Variants in PEAK1 observed in about 807,000 individuals in gnomAD.
PEAK1 encodes inactive tyrosine-protein kinase PEAK1.
A neutral mutation model predicts 124.7 loss-of-function variants in PEAK1; 54 were observed. The ratio of observed to expected loss-of-function variants is 0.43; its 90% confidence interval spans 0.35 to 0.54. The LOEUF (loss-of-function observed/expected upper bound fraction) is 0.54, where lower values mean the gene tolerates loss of function less well. Among genes scored for constraint, PEAK1 ranks in the 20% least tolerant of loss-of-function variants. The pLI is 0.01. For synonymous variants in PEAK1, 719 were observed against 760.0 expected (o/e 0.95, Z 0.89); for missense variants, 2,046 against 2,134.5 (o/e 0.96, Z 0.82).
intron 9 of PEAK1, among the ~76,000 whole-genome samples, chr15:77,120,366 ATTAC>A (rs1385306989): frequency 6.6e-6 from 1 of 152,142 alleles, no homozygotes; most frequent in Non-Finnish European, 1.5e-5. Flanking sequence ...TAACCCATAG[ATTAC>A]TTAAACTCAA....
At chr15:77,127,156 T>C (rs2052446813) in intron 9 of PEAK1, among the ~76,000 whole-genome samples, 1 of 152,192 alleles carries the variant, frequency 6.6e-6, no homozygotes, top group Non-Finnish European at 1.5e-5. Flanking sequence ...TCACGCTCTC[T>C]CTCTCTCCCT....
At chr15:77,103,896 G>T (rs2050720614), downstream of PEAK1, 1 of 152,330 alleles carries the variant, frequency 6.6e-6, no homozygotes, top group African/African-American at 2.4e-5. Flanking sequence ...GACAGGGAAA[G>T]GTGCTGGCCC....
intron 9 of PEAK1, among the ~76,000 whole-genome samples, chr15:77,126,351 C>T (rs534187691): frequency 1.3e-5 from 2 of 151,994 alleles, no homozygotes; most frequent in Admixed American, 6.5e-5. Flanking sequence ...ATATAAGGTA[C>T]CTAGTTTGTT....
intron 9 of PEAK1, among the ~76,000 whole-genome samples, chr15:77,132,285 A>G (rs1256201090): frequency 1.3e-5 from 2 of 151,060 alleles, no homozygotes; most frequent in Non-Finnish European, 3.0e-5. Context: ...GGGTTTCACC[A>G]CGTTGCCTAG....
intron 2 of PEAK1, among the ~76,000 whole-genome samples, chr15:77,343,330 T>A (rs983470125): frequency 6.6e-6 from 1 of 152,144 alleles, no homozygotes; most frequent in African/African-American, 2.4e-5. Context: ...TAGTTGTGAG[T>A]TATAGGAATT....
intron 6 of PEAK1, among the ~76,000 whole-genome samples, chr15:77,231,548 T>A (rs1187377895): frequency 6.6e-6 from 1 of 152,180 alleles, no homozygotes; most frequent in Non-Finnish European, 1.5e-5. Context: ...CATCTTCCCT[T>A]TGGTTAACTG....
At chr15:77,148,452 C>T (rs1431710862) in intron 8 of PEAK1, among the ~76,000 whole-genome samples, 1 of 152,182 alleles carries the variant, frequency 6.6e-6, no homozygotes, top group Admixed American at 6.5e-5. Flanking sequence ...CTGTTAGCTA[C>T]CTTGGGGATC....
intron 5 of PEAK1, among the ~76,000 whole-genome samples, chr15:77,271,927 T>C (rs2062057653): frequency 6.6e-6 from 1 of 151,532 alleles, no homozygotes; most frequent in African/African-American, 2.4e-5. Context: ...ACTTAAAGTA[T>C]AATAATAAAA....
At chr15:77,296,903 C>G (rs1354083694) in intron 2 of PEAK1, among the ~76,000 whole-genome samples, 1 of 151,580 alleles carries the variant, frequency 6.6e-6, no homozygotes, top group Non-Finnish European at 1.5e-5. Flanking sequence ...AACTTTGGCC[C>G]AAAGTACCAA....
At position 77,336,081 on chromosome 15, in the gene PEAK1, T is replaced by C. The variant is rs78815169; in HGVS notation, c.-603+29082A>G. 1,159 of 985,400 alleles carry C rather than the reference T, an allele frequency of 1.2e-3. 3 individuals are homozygous for C. The African/African-American group carries it at 0.015, about 12-fold the overall frequency. The allele number at this position is 985,400 out of a possible 1,614,324, so 61.0% of individuals were successfully genotyped here. On this transcript the variant is annotated intron_variant, in intron 2 of 9. Transcript: ENST00000682557. ...AATAACAGTGCCATTAAAAGACTGCTATGAAAGACTAAACAGTGAGTGCCA... is the reference window on the plus strand; with the variant it reads ...AATAACAGTGCCATTAAAAGACTGCCATGAAAGACTAAACAGTGAGTGCCA...
intron 2 of PEAK1, chr15:77,332,248 T>C (rs571426680): frequency 3.1e-6 from 3 of 981,618 alleles, no homozygotes; most frequent in African/African-American, 3.7e-5. Context: ...AAAAAGTTGA[T>C]TTTTTTCCCC....
intron 5 of PEAK1, among the ~76,000 whole-genome samples, chr15:77,282,904 A>G (rs1325646220): frequency 6.6e-6 from 1 of 152,198 alleles, no homozygotes; most frequent in Non-Finnish European, 1.5e-5. Flanking sequence ...CTTTTCCTTT[A>G]AGGCACCATT....
At chr15:77,215,475 C>T (rs769102578) in intron 6 of PEAK1, among the ~76,000 whole-genome samples, 29 of 152,130 alleles carry the variant, frequency 1.9e-4, no homozygotes, top group Non-Finnish European at 4.0e-4. Flanking sequence ...TTGCATATAA[C>T]CTATGCACAC....
At chr15:77,278,831 G>GTTTTT in intron 5 of PEAK1, 2 of 200,736 alleles carry the variant, frequency 1.0e-5, no homozygotes, top group African/African-American at 4.9e-5. Context: ...AAATTTTGTG[G>GTTTTT]GTTTTTTTTT....
chr15:77,371,680 G>C (rs1471979664), intron 1 of PEAK1, among the ~76,000 whole-genome samples: 1 of 152,202 alleles, frequency 6.6e-6, no homozygotes, highest in Non-Finnish European at 1.5e-5. Context: ...TCGAGGTCCA[G>C]AGTTCAAGAC....
At chr15:77,346,483 C>G (rs2066882250) in intron 2 of PEAK1, 1 of 985,216 alleles carries the variant, frequency 1.0e-6, no homozygotes, top group Admixed American at 6.2e-5. Flanking sequence ...CTGTTAGAAG[C>G]CAATTTTCCT....
At chr15:77,339,989 C>T (rs906901781) in intron 2 of PEAK1, among the ~76,000 whole-genome samples, 1 of 152,092 alleles carries the variant, frequency 6.6e-6, no homozygotes, top group Non-Finnish European at 1.5e-5. Context: ...AACACAACAC[C>T]AAATGCTGGC....
chr15:77,120,195 C>G (rs1423931870), intron 9 of PEAK1, among the ~76,000 whole-genome samples: 1 of 152,178 alleles, frequency 6.6e-6, no homozygotes, highest in East Asian at 1.9e-4. Context: ...GCTCTCCATC[C>G]TAGTTTTTCA....
At chr15:77,352,545 T>C (rs1300665831) in intron 2 of PEAK1, 45 of 963,730 alleles carry the variant, frequency 4.7e-5, no homozygotes, top group Non-Finnish European at 4.9e-5. Context: ...ATTTAAAATA[T>C]ATATACTTTA....
Sources: gnomAD v4.1 joint callset for allele counts (sites outside exome capture counted in the v4.1 genomes callset) on GRCh38, gnomAD v4.1.1 for gene constraint, MANE v1.5 for transcripts, NCBI Gene and HGNC (gene_info 2026-07-23, HGNC 2026-07-21) for gene names.